Variants in KDM4C observed in about 807,000 individuals in gnomAD.
KDM4C encodes lysine-specific demethylase 4C.
Under a neutral mutation model 129.3 loss-of-function variants are expected in KDM4C, and 81 were observed. The ratio of observed to expected loss-of-function variants is 0.63; its 90% CI spans 0.52 to 0.75. The LOEUF (loss-of-function observed/expected upper bound fraction) is 0.75. KDM4C is among the 30% of genes least tolerant of loss of function. The pLI is 0.00. For synonymous variants in KDM4C, 573 were observed against 456.1 expected (o/e 1.26, Z -3.26); for missense variants, 1,457 against 1,304.0 (o/e 1.12, Z -1.81).
At chr9:6,988,035 G>A (rs978377230) in intron 11 of KDM4C, among the ~76,000 whole-genome samples, 1 of 151,310 alleles carries the variant, frequency 6.6e-6, no homozygotes, top group African/African-American at 2.4e-5. Context: ...TGTGCCTGTG[G>A]TCCTAGCTAC....
intron 8 of KDM4C, among the ~76,000 whole-genome samples, chr9:6,958,202 C>T (rs1279515237): frequency 1.3e-5 from 2 of 151,790 alleles, no homozygotes; most frequent in Non-Finnish European, 2.9e-5. Context: ...CCTGTTAACT[C>T]TGCAGTCTTG....
intron 8 of KDM4C, among the ~76,000 whole-genome samples, chr9:6,897,321 A>C (rs188645899): frequency 3.1e-4 from 47 of 152,260 alleles, no homozygotes; most frequent in African/African-American, 1.1e-3. Context: ...CCCTGTTTCT[A>C]ATATTCTCTG....
chr9:7,066,747 C>T (rs1318578224), intron 17 of KDM4C, among the ~76,000 whole-genome samples: 3 of 152,160 alleles, frequency 2.0e-5, no homozygotes, highest in African/African-American at 7.2e-5. Flanking sequence ...GTAAATAATG[C>T]AGGGATTATA....
At chr9:6,951,793 G>A (rs1412608381) in intron 8 of KDM4C, among the ~76,000 whole-genome samples, 1 of 152,104 alleles carries the variant, frequency 6.6e-6, no homozygotes, top group African/African-American at 2.4e-5. Context: ...AGAAAAATTT[G>A]TATGATTTAC....
intron 1 of KDM4C, among the ~76,000 whole-genome samples, chr9:6,764,984 G>A (rs1024741938): frequency 1.3e-5 from 2 of 152,092 alleles, no homozygotes; most frequent in African/African-American, 4.8e-5. Context: ...CACATCCAAA[G>A]TATCACTTAA....
chr9:7,124,588 G>A (rs1253894051), intron 18 of KDM4C, among the ~76,000 whole-genome samples: 2 of 152,184 alleles, frequency 1.3e-5, no homozygotes, highest in African/African-American at 2.4e-5. Context: ...ATTTAAAGGG[G>A]ATGAATGGGG....
intron 8 of KDM4C, among the ~76,000 whole-genome samples, chr9:6,944,435 T>G (rs895544183): frequency 7.2e-5 from 11 of 152,226 alleles, no homozygotes; most frequent in African/African-American, 2.7e-4. Flanking sequence ...GCAGCATGTC[T>G]TTTGGTGACT....
chr9:7,136,770 CTTGTT>C (rs769356142), intron 19 of KDM4C, among the ~76,000 whole-genome samples: 8 of 152,070 alleles, frequency 5.3e-5, no homozygotes, highest in Non-Finnish European at 1.2e-4. Flanking sequence ...TGGTTCGTGT[CTTGTT>C]TTGTCACTTT....
chr9:6,861,963 G>T (rs573913650), intron 5 of KDM4C, among the ~76,000 whole-genome samples: 3 of 151,770 alleles, frequency 2.0e-5, no homozygotes, highest in Non-Finnish European at 4.4e-5. Context: ...GTAGAGATGG[G>T]GTTTTGCCGC....
intron 15 of KDM4C, among the ~76,000 whole-genome samples, chr9:7,023,893 G>A (rs192714042): frequency 6.6e-6 from 1 of 152,254 alleles, no homozygotes; most frequent in African/African-American, 2.4e-5. Flanking sequence ...TGGACCCACT[G>A]GTCATTCAGG....
intron 17 of KDM4C, among the ~76,000 whole-genome samples, chr9:7,091,285 A>G (rs1835767169): frequency 6.6e-6 from 1 of 151,118 alleles, no homozygotes; most frequent in African/African-American, 2.4e-5. Flanking sequence ...AAACTGTGGA[A>G]GATTTTGGCA....
rs566497863 is a variant in KDM4C, at chr9:6,892,318, C to T, written c.784-777C>T. 2.0e-5 allele frequency among the ~76,000 whole-genome samples: 3 copies of T among 152,046 alleles called. No homozygotes were observed. The South Asian group carries it at 6.2e-4, about 32-fold the overall frequency. On this transcript the variant is annotated intron_variant, in intron 7 of 21. Transcript: ENST00000381309. The stretch of plus-strand genomic sequence containing the variant: ...TTATAATTTTTGTATCGGATAGATA[C>T]TTTTTTAAAAAAGAAACAACACTAC...
chr9:6,790,253 C>CTGTTTTTTT (rs1443156278), intron 1 of KDM4C, among the ~76,000 whole-genome samples: 1 of 151,582 alleles, frequency 6.6e-6, no homozygotes, highest in African/African-American at 2.4e-5. Context: ...TAGCCCTGCT[C>CTGTTTTTTT]TGTTTTTTTT....
rs202002945 is a variant in KDM4C at position 6,990,419 on chromosome 9, G to A, written c.1681G>A (p.Ala561Thr). 1.7e-4 allele frequency: 272 copies of A among 1,604,690 alleles called. No individual in the cohort carries two copies. Among genetic ancestry groups the A allele is most frequent in the Non-Finnish European group, 2.3e-4 (268 of 1,172,652 alleles). ...ERNSFKVPSI[A>T]EGENKTSKSW... Reference sequence around the variant, plus strand: ...ACCATTTTTGTTCTATAACTAGATAGCAGAGGGAGAGAACAAAACCTCTAA... The same window carrying A: ...ACCATTTTTGTTCTATAACTAGATAACAGAGGGAGAGAACAAAACCTCTAA... Residue 561 changes from alanine (A) to threonine (T), a missense_variant, in exon 12 of 22, where the codon GCA becomes ACA. Coordinates refer to ENST00000381309, the MANE Select transcript of KDM4C (RefSeq NM_015061.6).
intron 15 of KDM4C, among the ~76,000 whole-genome samples, chr9:7,027,383 T>A (rs1449496197): frequency 6.6e-6 from 1 of 152,228 alleles, no homozygotes; most frequent in Non-Finnish European, 1.5e-5. Flanking sequence ...AGGAATTTTC[T>A]GGATTACTAG....
At chr9:7,089,645 C>T (rs901939976) in intron 17 of KDM4C, among the ~76,000 whole-genome samples, 10 of 152,062 alleles carry the variant, frequency 6.6e-5, no homozygotes, top group Non-Finnish European at 1.2e-4. Flanking sequence ...AGCCTAATAC[C>T]GAGCAAATAA....
In KDM4C at chr9:6,863,443, G is replaced by A. The variant is rs1490372051; in HGVS notation, c.629+13743G>A. On this transcript the variant is annotated intron_variant, in intron 5 of 21. Transcript: ENST00000381309. ...CTTCTGCATCTGGTGAGGGTCACAT[G>A]TTGCTTCCATTCATGGTGGAAGTTG... is the stretch of plus-strand genomic sequence containing the variant. Among the ~76,000 whole-genome samples, 3 of 152,088 alleles carry A rather than the reference G, an allele frequency of 2.0e-5. 1 individual carries two copies. Among genetic ancestry groups the A allele is most frequent in the South Asian group, 4.1e-4 (2 of 4,822 alleles).
chr9:7,003,299 G>T (rs1821069271), intron 12 of KDM4C, among the ~76,000 whole-genome samples: 1 of 151,970 alleles, frequency 6.6e-6, no homozygotes, highest in South Asian at 2.1e-4. Flanking sequence ...AGCATTCCTT[G>T]TTTTTGTTCA....
At chr9:6,807,086 C>T (rs1217009501) in intron 3 of KDM4C, among the ~76,000 whole-genome samples, 5 of 151,996 alleles carry the variant, frequency 3.3e-5, no homozygotes, top group African/African-American at 4.8e-5. Flanking sequence ...GACGGGGTTT[C>T]GCTGTGTTGG....
Sources: allele counts gnomAD v4.1 joint callset (sites outside exome capture counted in the v4.1 genomes callset), GRCh38; gene constraint gnomAD v4.1.1; transcripts MANE v1.5; gene names NCBI Gene and HGNC (gene_info 2026-07-23, HGNC 2026-07-21).